INPP4B: variants seen among roughly 807,000 people sequenced by gnomAD.
INPP4B encodes inositol polyphosphate 4-phosphatase type II.
In INPP4B, 55 loss-of-function variants were observed where a neutral mutation model predicts 122.5. The observed-to-expected ratio is 0.45, with a 90% CI of 0.36 to 0.56. INPP4B has a LOEUF of 0.56. INPP4B is among the 20% of genes least tolerant of loss of function. INPP4B has a pLI of 0.00. For synonymous variants in INPP4B, 403 were observed against 388.7 expected (o/e 1.04, Z -0.43); for missense variants, 1,000 against 1,097.7 (o/e 0.91, Z 1.26).
At chr4:142,603,661 A>G (rs1740577017) in intron 2 of INPP4B, among the ~76,000 whole-genome samples, 1 of 152,146 alleles carries the variant, frequency 6.6e-6, no homozygotes, top group Non-Finnish European at 1.5e-5. Context: ...AAATAAAATC[A>G]GAAAGAAACA....
chr4:142,622,913 T>G (rs1745286504), intron 2 of INPP4B, among the ~76,000 whole-genome samples: 1 of 152,006 alleles, frequency 6.6e-6, no homozygotes, highest in Non-Finnish European at 1.5e-5. Flanking sequence ...CATAGCACTG[T>G]GCAACCTTCA....
Position 142,640,709 on chromosome 4 carries a change from C to A in INPP4B, c.-191+85130G>T, listed in dbSNP as rs188109706. On this transcript the variant is annotated intron_variant, in intron 2 of 25. Coordinates refer to ENST00000262992, the MANE Select transcript of INPP4B (RefSeq NM_001101669.3). ...ATAAGACATTCGCAACACATACAAC[C>A]AATAATTCCTAACAATTAAAATAGA... Among the ~76,000 whole-genome samples the A allele has an allele frequency of 3.3e-4, 50 of 151,382 alleles. No individual in the cohort carries two copies. In the East Asian group the frequency reaches 9.3e-3, roughly 28 times the overall value.
chr4:142,083,093 C>A (rs879509195), intron 24 of INPP4B, among the ~76,000 whole-genome samples: 4 of 144,242 alleles, frequency 2.8e-5, no homozygotes, highest in Non-Finnish European at 6.0e-5. Context: ...CAGAGTGACA[C>A]CCTGTCTCAA....
rs115774838 is a variant in INPP4B at position 142,441,581 on chromosome 4, T to C, written c.-126-10196A>G. Among the ~76,000 whole-genome samples the C allele has an allele frequency of 7.2e-3, 1,098 of 152,196 alleles. 10 individuals are homozygous for C. The highest frequency in any genetic ancestry group is 0.012 in the Non-Finnish European group (825 of 68,004). On this transcript the variant is annotated intron_variant, in intron 3 of 25. Coordinates refer to ENST00000262992, the MANE Select transcript of INPP4B (RefSeq NM_001101669.3). Reference sequence around the variant, plus strand: ...TGGTTAAGTGTATTTGGCTAATGGTTAAAACCAAATAATTCATGAAGTCAC... The same window carrying C: ...TGGTTAAGTGTATTTGGCTAATGGTCAAAACCAAATAATTCATGAAGTCAC...
chr4:142,276,983 G>A (rs189127033), intron 9 of INPP4B, among the ~76,000 whole-genome samples: 172 of 151,996 alleles, frequency 1.1e-3, no homozygotes, highest in African/African-American at 4.0e-3. Flanking sequence ...TGCAAATGTC[G>A]TCAGATTTCC....
At chr4:142,629,882 G>A (rs1580555298) in intron 2 of INPP4B, among the ~76,000 whole-genome samples, 1 of 152,060 alleles carries the variant, frequency 6.6e-6, no homozygotes, top group East Asian at 1.9e-4. Context: ...CCCTTCTAGA[G>A]AAACTGACCA....
intron 16 of INPP4B, among the ~76,000 whole-genome samples, chr4:142,169,377 G>C (rs1482378500): frequency 6.6e-6 from 1 of 151,506 alleles, no homozygotes; most frequent in Non-Finnish European, 1.5e-5. Flanking sequence ...CTTTCCCACA[G>C]TTTGGGACTG....
chr4:142,025,779 C>A lies in INPP4B; in HGVS notation c.*3003G>T, dbSNP rs1736830845. 1 of 152,174 alleles carries A rather than the reference C, an allele frequency of 6.6e-6. No individual in the cohort carries two copies. Among genetic ancestry groups the A allele is most frequent in the Non-Finnish European group, 1.5e-5 (1 of 68,028 alleles). The allele number at this position is 152,174 out of a possible 1,614,324, so 9.4% of individuals were successfully genotyped here. Reference sequence around the variant, plus strand: ...AGGGCTGGAGGCTGGGTCCATGGAGCTCTGCCCTGATTGGGCAGTTTGTCA... The same window carrying A: ...AGGGCTGGAGGCTGGGTCCATGGAGATCTGCCCTGATTGGGCAGTTTGTCA... On this transcript the variant is annotated 3_prime_UTR_variant, in exon 26 of 26. Coordinates refer to ENST00000262992, the MANE Select transcript of INPP4B (RefSeq NM_001101669.3).
At chr4:142,538,723 T>A (rs1828577790) in intron 2 of INPP4B, among the ~76,000 whole-genome samples, 1 of 152,096 alleles carries the variant, frequency 6.6e-6, no homozygotes, top group Admixed American at 6.6e-5. Flanking sequence ...AAGTAGTGGG[T>A]ATTTACATGT....
intron 1 of INPP4B, among the ~76,000 whole-genome samples, chr4:142,750,487 T>C (rs1349366573): frequency 1.3e-5 from 2 of 152,142 alleles, no homozygotes; most frequent in East Asian, 3.9e-4. Flanking sequence ...GAAGGATGTC[T>C]CTTTCACTAA....
chr4:142,427,846 G>A (rs960169608), intron 5 of INPP4B, among the ~76,000 whole-genome samples: 5 of 151,970 alleles, frequency 3.3e-5, no homozygotes, highest in Non-Finnish European at 7.4e-5. Flanking sequence ...TTGTACGAGT[G>A]AAGAGTGCCT....
chr4:142,588,815 T>C (rs148295285), intron 2 of INPP4B, among the ~76,000 whole-genome samples: 1 of 151,954 alleles, frequency 6.6e-6, no homozygotes, highest in East Asian at 1.9e-4. Flanking sequence ...CAGCAATTAA[T>C]TTTGTAGATA....
At chr4:142,654,127 A>G (rs1580633945) in intron 2 of INPP4B, among the ~76,000 whole-genome samples, 1 of 152,250 alleles carries the variant, frequency 6.6e-6, no homozygotes. Flanking sequence ...AAGACAGAAA[A>G]CCAAACACCA....
At chr4:142,280,167 C>G (rs903115298) in intron 9 of INPP4B, among the ~76,000 whole-genome samples, 7 of 151,838 alleles carry the variant, frequency 4.6e-5, no homozygotes, top group Admixed American at 4.6e-4. Flanking sequence ...CACACACTTA[C>G]ATAAACCAGC....
At chr4:142,687,092 G>A (rs1326902708) in intron 2 of INPP4B, among the ~76,000 whole-genome samples, 2 of 151,848 alleles carry the variant, frequency 1.3e-5, no homozygotes, top group African/African-American at 4.8e-5. Flanking sequence ...ACAAGATGGG[G>A]GACTTTTTTA....
intron 2 of INPP4B, among the ~76,000 whole-genome samples, chr4:142,664,909 T>C (rs1388812058): frequency 1.3e-5 from 2 of 152,220 alleles, no homozygotes; most frequent in East Asian, 1.9e-4. Flanking sequence ...TGTATTTATG[T>C]AAACTGAGGT....
intron 1 of INPP4B, among the ~76,000 whole-genome samples, chr4:142,816,230 G>GT (rs1166773745): frequency 6.6e-6 from 1 of 152,126 alleles, no homozygotes; most frequent in African/African-American, 2.4e-5. Context: ...TTTTAGGGTT[G>GT]TAAGATTTAG....
intron 7 of INPP4B, among the ~76,000 whole-genome samples, chr4:142,357,092 G>A (rs897889982): frequency 1.1e-4 from 16 of 152,136 alleles, no homozygotes; most frequent in African/African-American, 3.9e-4. Context: ...CTGTTCAGCT[G>A]TATCCTTTAA....
chr4:142,416,320 C>T (rs886116994), intron 5 of INPP4B, among the ~76,000 whole-genome samples: 1 of 152,062 alleles, frequency 6.6e-6, no homozygotes, highest in African/African-American at 2.4e-5. Context: ...ACTTCCCATA[C>T]AACACACTGA....
Sources: gnomAD v4.1 joint callset for allele counts (sites outside exome capture counted in the v4.1 genomes callset) on GRCh38, gnomAD v4.1.1 for gene constraint, MANE v1.5 for transcripts, NCBI Gene and HGNC (gene_info 2026-07-23, HGNC 2026-07-21) for gene names.